PCGF1: variants seen among roughly 807,000 people sequenced by gnomAD.
PCGF1 encodes the protein polycomb group ring finger 1, also known as polycomb group RING finger protein 1.
Under a neutral mutation model 38.8 loss-of-function variants are expected in PCGF1, and 10 were observed. That is an observed-to-expected ratio of 0.26 (90% confidence interval 0.16 to 0.44). The LOEUF (loss-of-function observed/expected upper bound fraction) is 0.44. Ranked by LOEUF, PCGF1 falls within the 20% of genes least tolerant of loss-of-function variation. The pLI, the probability that PCGF1 is intolerant of heterozygous loss-of-function variation, is 1.00. For synonymous variants in PCGF1, 119 were observed against 121.3 expected, an observed-to-expected ratio of 0.98 and a Z score of 0.12; for missense variants, 230 against 331.5, an observed-to-expected ratio of 0.69 and a Z score of 2.38.
chr2:74,507,689 G>A lies in PCGF1; in HGVS notation c.-21C>T. 2 of 1,550,190 alleles carry A rather than the reference G, an allele frequency of 1.3e-6. No homozygotes were observed. Among genetic ancestry groups the A allele is most frequent in the Non-Finnish European group, 1.7e-6 (2 of 1,147,192 alleles). On this transcript the variant is annotated 5_prime_UTR_variant, in exon 1 of 9. Transcript: ENST00000233630. ...GCCATCTTAAAGGCTGATCCCAGCC[G>A]GCCACTTCCGGTGCCGCCTGCAGGG...
At position 74,505,420 on chromosome 2, in the gene PCGF1, C is replaced by G; in HGVS notation, c.652-1G>C. On this transcript the variant is annotated splice_acceptor_variant, in intron 7 of 8. Coordinates refer to ENST00000233630, the MANE Select transcript of PCGF1 (RefSeq NM_032673.3). LOFTEE classifies it high-confidence loss of function. ...CTTCATTGTCAAAAAGGAGCTGCACCTAGGAGGGAGATGGGGGCATAATTT... is the reference window on the plus strand; with the variant it reads ...CTTCATTGTCAAAAAGGAGCTGCACGTAGGAGGGAGATGGGGGCATAATTT... 6.2e-7 allele frequency: 1 copy of G among 1,608,864 alleles called. No individual in the cohort carries two copies. The highest frequency in any genetic ancestry group is 8.5e-7 in the Non-Finnish European group (1 of 1,176,940).
chr2:74,507,540 T>G (rs1674671532), intron 1 of PCGF1, 36 bp downstream of exon 1: 1 of 1,557,964 alleles, frequency 6.4e-7, no homozygotes, highest in African/African-American at 1.4e-5. Context: ...TTCGCACCGC[T>G]GGCCGACCAC....
intron 3 of PCGF1, 93 bp downstream of exon 3, chr2:74,506,639 C>T: frequency 7.1e-7 from 1 of 1,401,162 alleles, no homozygotes; most frequent in Non-Finnish European, 1.0e-6. Flanking sequence ...CTTTGGCCTT[C>T]TGCCTACGTG....
At chr2:74,506,449 G>T in intron 3 of PCGF1, 197 bp from the exon 4 acceptor site, 1 of 618,862 alleles carries the variant, frequency 1.6e-6, no homozygotes, top group South Asian at 2.0e-5. Flanking sequence ...ATGGTGGTGG[G>T]CGCCTGTAGT....
intron 1 of PCGF1, 154 bp downstream of exon 1, chr2:74,507,422 G>C (rs1015002016): frequency 2.1e-6 from 3 of 1,462,058 alleles, no homozygotes; most frequent in Non-Finnish European, 1.8e-6. Context: ...CGTCCTAACC[G>C]GAGTTTGGCA....
At position 74,506,047 on chromosome 2, in the gene PCGF1, C is replaced by T. The variant is rs749070897; in HGVS notation, c.435G>A (p.Leu145=). The T allele has an allele frequency of 6.2e-7, 1 of 1,614,170 alleles. No individual in the cohort carries two copies. The highest frequency in any genetic ancestry group is 8.5e-7 in the Non-Finnish European group (1 of 1,180,034). ...TGCTGAAGGGGAGGCCGAGGTTGCT[C>T]AGTGCTGGCTCTGAGAAAGATAGGG... is the stretch of plus-strand genomic sequence containing the variant. ...VTQPTGEEPA[L]SNLGLPFSSF... The change falls in exon 5 of 9, where the codon CTG becomes CTA. Residue 145 remains leucine (L), a synonymous_variant. Transcript: ENST00000233630.
In PCGF1 at chr2:74,505,328, G is replaced by T. The variant is rs767234906; in HGVS notation, c.732+11C>A. 22 of 1,602,868 alleles carry T rather than the reference G, an allele frequency of 1.4e-5. No homozygotes were observed. The highest frequency in any genetic ancestry group is 1.9e-5 in the Non-Finnish European group (22 of 1,174,264). On this transcript the variant is annotated intron_variant, in intron 8 of 8. Coordinates refer to ENST00000233630, the MANE Select transcript of PCGF1 (RefSeq NM_032673.3). ...AGGGGGTGTGATCCCAGGGAGGGTG[G>T]CCTGGCTTACCTTGCCGAACCAGCG...
At chr2:74,506,085 T>C in intron 4 of PCGF1, 28 bp from the exon 5 acceptor site, 1 of 1,613,152 alleles carries the variant, frequency 6.2e-7, no homozygotes, top group Non-Finnish European at 8.5e-7. Context: ...GTGAGGTGGC[T>C]GGTGGCACAC....
chr2:74,506,582 A>C (rs1373345841), intron 3 of PCGF1, 150 bp downstream of exon 3: 27 of 890,860 alleles, frequency 3.0e-5, no homozygotes, highest in Non-Finnish European at 4.5e-5. Flanking sequence ...AAAAAGAAAA[A>C]AAAGAATAAA....
chr2:74,506,166 C>G lies in PCGF1; in HGVS notation c.424+15G>C. ...ATGCTCTGGGGTCTTTACTGTCCCG[C>G]GGCCAAGGACATACCTTCCCCAGTG... On this transcript the variant is annotated intron_variant, in intron 4 of 8. Transcript: ENST00000233630. 2.5e-6 allele frequency: 4 copies of G among 1,613,996 alleles called. No homozygotes were observed. Among genetic ancestry groups the G allele is most frequent in the African/African-American group, 1.3e-5 (1 of 75,030 alleles).
rs145551425 is a variant in PCGF1, at chr2:74,505,805, T to C, written c.531-35A>G. The C allele has an allele frequency of 1.3e-3, 2,168 of 1,613,230 alleles. 17 individuals are homozygous for C. Among genetic ancestry groups the C allele is most frequent in the South Asian group, 9.4e-3 (852 of 91,026 alleles). ...AATAGACACAGGTTAGGGAATCCTATCTTTCCTCCTCTTCCCCACCCAGAG... is the reference window on the plus strand; with the variant it reads ...AATAGACACAGGTTAGGGAATCCTACCTTTCCTCCTCTTCCCCACCCAGAG... On this transcript the variant is annotated intron_variant, in intron 5 of 8. Coordinates refer to ENST00000233630, the MANE Select transcript of PCGF1 (RefSeq NM_032673.3).
chr2:74,505,512 C>A, intron 7 of PCGF1, 40 bp downstream of exon 7: 2 of 1,612,630 alleles, frequency 1.2e-6, no homozygotes, highest in Non-Finnish European at 1.7e-6. Context: ...CTTTCTTAGC[C>A]CCTTCTCCCC....
At position 74,505,773 on chromosome 2, in the gene PCGF1, G is replaced by A. The variant is rs1452203470; in HGVS notation, c.531-3C>T. The A allele has an allele frequency of 2.5e-6, 4 of 1,613,944 alleles. No individual in the cohort carries two copies. The African/African-American group carries it at 4.0e-5, about 16-fold the overall frequency. On this transcript the variant is annotated splice_polypyrimidine_tract_variant and splice_region_variant and intron_variant, in intron 5 of 8. Coordinates refer to ENST00000233630, the MANE Select transcript of PCGF1 (RefSeq NM_032673.3). Reference sequence around the variant, plus strand: ...TTTTATTCTTGTCTTTGCCAGAACTGGGGGGAAATAGACACAGGTTAGGGA... The same window carrying A: ...TTTTATTCTTGTCTTTGCCAGAACTAGGGGGAAATAGACACAGGTTAGGGA...
chr2:74,507,516 T>C lies in PCGF1; in HGVS notation c.93+60A>G, dbSNP rs1349159404. On this transcript the variant is annotated intron_variant, in intron 1 of 8. Transcript: ENST00000233630. ...CGCCCGGCCAGCCACCGCCCGTCCT[T>C]TAGCCCGCCCCAATTCGCACCGCTG... 3 of 1,542,784 alleles carry C rather than the reference T, an allele frequency of 1.9e-6. No individual in the cohort carries two copies. In the East Asian group the frequency reaches 7.3e-5, roughly 38 times the overall value.
chr2:74,505,325 G>A lies in PCGF1; in HGVS notation c.732+14C>T. On this transcript the variant is annotated intron_variant, in intron 8 of 8. Coordinates refer to ENST00000233630, the MANE Select transcript of PCGF1 (RefSeq NM_032673.3). ...TGAAGGGGGTGTGATCCCAGGGAGG[G>A]TGGCCTGGCTTACCTTGCCGAACCA... The A allele has an allele frequency of 7.5e-6, 12 of 1,602,206 alleles. No individual in the cohort carries two copies. Among genetic ancestry groups the A allele is most frequent in the Non-Finnish European group, 9.4e-6 (11 of 1,173,910 alleles).
intron 3 of PCGF1, 119 bp from the exon 4 acceptor site, chr2:74,506,371 A>G: frequency 1.1e-6 from 1 of 906,922 alleles, no homozygotes; most frequent in East Asian, 2.5e-5. Context: ...AAGTCAGGAG[A>G]TTGAGGCCAT....
chr2:74,505,497 C>G (rs1403369537), intron 7 of PCGF1, 55 bp downstream of exon 7: 1 of 1,610,802 alleles, frequency 6.2e-7, no homozygotes, highest in African/African-American at 1.3e-5. Flanking sequence ...TAGACTCTGT[C>G]CCTCCTTTCT....
intron 1 of PCGF1, 110 bp from the exon 2 acceptor site, chr2:74,507,257 C>G: frequency 6.7e-7 from 1 of 1,487,052 alleles, no homozygotes; most frequent in Non-Finnish European, 9.0e-7. Flanking sequence ...AGCCCCGCGC[C>G]CTGCGCCATC....
Position 74,505,552 on chromosome 2 carries a change from A to G in PCGF1, c.651T>C (p.His217=), listed in dbSNP as rs755437056. The G allele has an allele frequency of 3.7e-6, 6 of 1,614,192 alleles. No homozygotes were observed. The South Asian group carries it at 6.6e-5, about 18-fold the overall frequency. Residue 217 remains histidine (H), a splice_region_variant and synonymous_variant, in exon 7 of 9, where the codon CAT becomes CAC. Transcript: ENST00000233630. The part of the protein sequence containing the change: ...LCHRLMLNPQ[H]VQLLFDNEVL... ...AGAAACCTACTGTGGGACTACTCAC[A>G]TGCTGAGGGTTTAGCATCAAGCGGT...
Sources: gnomAD v4.1 joint callset for allele counts on GRCh38, gnomAD v4.1.1 for gene constraint, MANE v1.5 for transcripts, NCBI Gene and HGNC (gene_info 2026-07-23, HGNC 2026-07-21) for gene names.